TNS1: variants seen among roughly 807,000 people sequenced by gnomAD.
The protein encoded by TNS1 is tensin-1.
TNS1 carries 62 observed loss-of-function variants against 168.6 expected under a neutral mutation model. The observed-to-expected ratio is 0.37, with a 90% CI of 0.30 to 0.45. The LOEUF (loss-of-function observed/expected upper bound fraction) is 0.45. Ranked by LOEUF, TNS1 falls within the 20% of genes least tolerant of loss-of-function variation. The pLI, the probability that TNS1 is intolerant of heterozygous loss-of-function variation, is 1.00. For synonymous variants in TNS1, 934 were observed against 933.2 expected, an observed-to-expected ratio of 1.00 and a Z score of -0.02; for missense variants, 2,240 against 2,339.4, an observed-to-expected ratio of 0.96 and a Z score of 0.88.
chr2:217,918,211 G>C (rs1955297164), intron 4 of TNS1, among the ~76,000 whole-genome samples: 1 of 152,220 alleles, frequency 6.6e-6, no homozygotes, highest in African/African-American at 2.4e-5. Flanking sequence ...TTACAGCATA[G>C]GTACCGTCAC....
chr2:218,011,977 G>T (rs1454118532), upstream of TNS1, among the ~76,000 whole-genome samples: 1 of 152,150 alleles, frequency 6.6e-6, no homozygotes, highest in Non-Finnish European at 1.5e-5. Context: ...GAGGTAGTGT[G>T]ATCCCCACAC....
chr2:217,862,170 T>C (rs977726227), intron 18 of TNS1, among the ~76,000 whole-genome samples: 2 of 152,068 alleles, frequency 1.3e-5, no homozygotes, highest in African/African-American at 4.8e-5. Flanking sequence ...CTCAGCTGCA[T>C]GCATAAATAG....
chr2:217,903,839 A>G (rs1953322636), intron 6 of TNS1: 1 of 501,352 alleles, frequency 2.0e-6, no homozygotes, highest in Non-Finnish European at 3.5e-6. Context: ...AGGTTCTGTT[A>G]TCTGCTGCCT....
chr2:217,831,556 G>A lies in TNS1; in HGVS notation c.3281-9C>T. 6.7e-7 allele frequency: 1 copy of A among 1,482,518 alleles called. No homozygotes were observed. The highest frequency in any genetic ancestry group is 8.9e-7 in the Non-Finnish European group (1 of 1,119,528). The allele number at this position is 1,482,518 out of a possible 1,614,324, so 91.8% of individuals were successfully genotyped here. ...ACCCGGGGGGGACCGCACTGTGCCA[G>A]GAAGAAGAGGGGAGACACAGGGAGT... On this transcript the variant is annotated splice_polypyrimidine_tract_variant and intron_variant, in intron 21 of 32. Coordinates refer to ENST00000682258, the MANE Select transcript of TNS1 (RefSeq NM_001387777.1).
At chr2:218,025,261 T>A (rs1196889054) in intron 1 of TNS1, among the ~76,000 whole-genome samples, 1 of 152,208 alleles carries the variant, frequency 6.6e-6, no homozygotes, top group Non-Finnish European at 1.5e-5. Context: ...TTTTATTTTA[T>A]TTTTTGAGAC....
chr2:217,867,905 T>A (rs1222929470), intron 18 of TNS1, among the ~76,000 whole-genome samples: 1 of 152,262 alleles, frequency 6.6e-6, no homozygotes, highest in Non-Finnish European at 1.5e-5. Context: ...CAATCACCCT[T>A]ACTCTGCTCC....
chr2:217,831,504 C>T lies in TNS1; in HGVS notation c.3324G>A (p.Leu1108=). Residue 1108 remains leucine, a synonymous_variant, in exon 22 of 33, where the codon CTG becomes CTA. Coordinates refer to ENST00000682258, the MANE Select transcript of TNS1 (RefSeq NM_001387777.1). ...PGLAKTPLSA[L]GLKPHNPADI... is the part of the protein sequence containing the mutation. ...CCGCTGGGTTGTGAGGTTTCAGGCC[C>T]AGAGCAGACAGGGGTGTCTTGGCCA... The T allele has an allele frequency of 1.3e-6, 2 of 1,574,256 alleles. No individual in the cohort carries two copies. Among genetic ancestry groups the T allele is most frequent in the Non-Finnish European group, 1.7e-6 (2 of 1,162,578 alleles).
In TNS1 at chr2:217,957,579, G is replaced by A. The variant is rs888832807; in HGVS notation, c.186+21186C>T. On this transcript the variant is annotated intron_variant, in intron 3 of 32. Transcript: ENST00000682258. ...TATGATTACTATGGAAATAGACAGA[G>A]GCCTGAGAGAGCACAGCTTCTATGT... Among the ~76,000 whole-genome samples the A allele has an allele frequency of 2.6e-5, 4 of 152,222 alleles. No individual in the cohort carries two copies. The East Asian group carries it at 7.7e-4, about 29-fold the overall frequency.
intron 12 of TNS1, among the ~76,000 whole-genome samples, chr2:217,889,902 C>T (rs536498393): frequency 6.6e-6 from 1 of 152,194 alleles, no homozygotes; most frequent in Non-Finnish European, 1.5e-5. Context: ...GCAGCCTCCC[C>T]CAAAGACCTC....
chr2:217,888,741 C>G (rs915994133), intron 12 of TNS1, among the ~76,000 whole-genome samples: 48 of 152,176 alleles, frequency 3.2e-4, no homozygotes, highest in African/African-American at 1.1e-3. Flanking sequence ...TTTCACCTTC[C>G]GCCATGATTG....
intron 32 of TNS1, among the ~76,000 whole-genome samples, chr2:217,805,553 C>CA (rs1938633263): frequency 0.023 from 18 of 780 alleles, no homozygotes; most frequent in Admixed American, 0.032. Context: ...CCACCACACA[C>CA]CACACACACC....
At chr2:217,878,627 T>C (rs1167799574) in intron 18 of TNS1, among the ~76,000 whole-genome samples, 1 of 152,238 alleles carries the variant, frequency 6.6e-6, no homozygotes, top group Non-Finnish European at 1.5e-5. Flanking sequence ...TGGCCACAGC[T>C]GACACAAATG....
intron 4 of TNS1, among the ~76,000 whole-genome samples, chr2:217,917,175 C>A (rs1192440937): frequency 1.3e-5 from 2 of 152,118 alleles, no homozygotes; most frequent in African/African-American, 2.4e-5. Flanking sequence ...CCCCCATGGC[C>A]CCCCACCTTT....
Position 217,821,925 on chromosome 2 carries a change from A to G in TNS1, c.3387T>C (p.Tyr1129=), listed in dbSNP as rs753973637. 22 of 1,587,704 alleles carry G rather than the reference A, an allele frequency of 1.4e-5. No homozygotes were observed. The Admixed American group carries it at 2.3e-4, about 17-fold the overall frequency. The change falls in exon 23 of 33, where the codon TAT becomes TAC. Residue 1129 remains tyrosine, a synonymous_variant. Coordinates refer to ENST00000682258, the MANE Select transcript of TNS1 (RefSeq NM_001387777.1). The part of the protein sequence containing the change: ...LLHPTGEPRS[Y]VESVARTAVA... ...CCGCTGTCCGTGCCACAGACTCCAC[A>G]TAGCTCCGGGGCTCTGGAAGGGGCA...
In TNS1 at chr2:217,818,138, G is replaced by A; in HGVS notation, c.4194C>T (p.Ser1398=). ...ASGLHSNAIA[S]PGSPSLGRHL... ...GACGGCCCAGGCTGGGGCTTCCAGG[G>A]CTGGCTATTGCATTGCTATGAAGAC... Residue 1398 remains serine, a synonymous_variant, in exon 24 of 33, where the codon AGC becomes AGT. Coordinates refer to ENST00000682258, the MANE Select transcript of TNS1 (RefSeq NM_001387777.1). 1 of 1,614,026 alleles carries A rather than the reference G, an allele frequency of 6.2e-7. No individual in the cohort carries two copies. The highest frequency in any genetic ancestry group is 1.3e-5 in the African/African-American group (1 of 75,056).
intron 4 of TNS1, among the ~76,000 whole-genome samples, chr2:217,908,818 G>T (rs568498386): frequency 6.6e-6 from 1 of 152,034 alleles, no homozygotes; most frequent in African/African-American, 2.4e-5. Flanking sequence ...GGGTTGGGGG[G>T]ACAGGGGCCA....
intron 3 of TNS1, among the ~76,000 whole-genome samples, chr2:217,966,286 T>G: frequency 7.0e-6 from 1 of 143,270 alleles, no homozygotes; most frequent in Non-Finnish European, 1.5e-5. Context: ...TGTGTGTGTG[T>G]GTGTGTGTGT....
At position 217,847,961 on chromosome 2, in the gene TNS1, T is replaced by C. The variant is rs1946897954; in HGVS notation, c.2556A>G (p.Pro852=). The C allele has an allele frequency of 8.6e-6, 13 of 1,509,258 alleles. No individual in the cohort carries two copies. In the East Asian group the frequency reaches 3.0e-4, roughly 35 times the overall value. 93.5% of individuals were successfully genotyped at this position (1,509,258 alleles called of 1,614,324 possible). Residue 852 remains proline (P), a synonymous_variant, in exon 19 of 33, where the codon CCA becomes CCG. Coordinates refer to ENST00000682258, the MANE Select transcript of TNS1 (RefSeq NM_001387777.1). ...CGGGGACACTCTGGGACTTGTGTAG[T>C]GGGGCAGCAGCGGAGGCTGGCTCCA... The part of the protein sequence containing the change: ...LDLEPASAAA[P]LHKSQSVPGA...
At chr2:217,924,053 G>A (rs191194636) in intron 3 of TNS1, among the ~76,000 whole-genome samples, 3 of 152,314 alleles carry the variant, frequency 2.0e-5, no homozygotes, top group African/African-American at 7.2e-5. Context: ...CCCAGGCTCT[G>A]CCCTCCTCTC....
Sources: allele counts gnomAD v4.1 joint callset (sites outside exome capture counted in the v4.1 genomes callset), GRCh38; gene constraint gnomAD v4.1.1; transcripts MANE v1.5; gene names NCBI Gene and HGNC (gene_info 2026-07-23, HGNC 2026-07-21).